SEMA5A: variants seen among roughly 807,000 people sequenced by gnomAD.
SEMA5A encodes the protein semaphorin-5A.
SEMA5A carries 55 observed loss-of-function variants against 135.5 expected under a neutral mutation model. The ratio of observed to expected loss-of-function variants is 0.41; its 90% CI spans 0.33 to 0.51. SEMA5A has a LOEUF of 0.51. Ranked by LOEUF, SEMA5A falls within the 20% of genes least tolerant of loss-of-function variation. SEMA5A has a pLI of 0.37. For synonymous variants in SEMA5A, 580 were observed against 546.5 expected, an observed-to-expected ratio of 1.06 and a Z score of -0.85; for missense variants, 1,290 against 1,419.9, an observed-to-expected ratio of 0.91 and a Z score of 1.47.
intron 18 of SEMA5A, among the ~76,000 whole-genome samples, chr5:9,054,768 G>C (rs1392497286): frequency 6.6e-6 from 1 of 152,204 alleles, no homozygotes; most frequent in South Asian, 2.1e-4. Context: ...CAGTGGGATA[G>C]AGAAAAGCTA....
intron 1 of SEMA5A, among the ~76,000 whole-genome samples, chr5:9,439,216 G>A (rs943331742): frequency 5.9e-5 from 9 of 152,148 alleles, no homozygotes; most frequent in Non-Finnish European, 8.8e-5. Context: ...GAGGAGCCAG[G>A]GAAGCACACT....
At chr5:9,249,006 A>T (rs1156368666) in intron 5 of SEMA5A, among the ~76,000 whole-genome samples, 1 of 152,216 alleles carries the variant, frequency 6.6e-6, no homozygotes, top group Non-Finnish European at 1.5e-5. Flanking sequence ...TACACACATG[A>T]ACACAGTCAC....
At chr5:9,281,563 G>A (rs1262263549) in intron 5 of SEMA5A, among the ~76,000 whole-genome samples, 3 of 152,170 alleles carry the variant, frequency 2.0e-5, no homozygotes, top group Non-Finnish European at 4.4e-5. Flanking sequence ...TATATGAAAA[G>A]CAAATCCCAT....
At chr5:9,352,103 T>TGGGGGA (rs1349768430) in intron 3 of SEMA5A, among the ~76,000 whole-genome samples, 2 of 77,120 alleles carry the variant, frequency 2.6e-5, no homozygotes, top group East Asian at 4.5e-4. Flanking sequence ...TCGGGGGGGT[T>TGGGGGA]ACTTAAGAGT....
intron 16 of SEMA5A, among the ~76,000 whole-genome samples, chr5:9,103,333 C>T (rs989697359): frequency 6.6e-6 from 1 of 152,198 alleles, no homozygotes; most frequent in Non-Finnish European, 1.5e-5. Context: ...TGTGTCACAA[C>T]CTATTTAAAC....
intron 11 of SEMA5A, among the ~76,000 whole-genome samples, chr5:9,164,604 A>C (rs942293590): frequency 2.0e-5 from 3 of 152,116 alleles, no homozygotes; most frequent in Admixed American, 2.0e-4. Context: ...AGGGAATGTC[A>C]TAGGACGTAT....
In SEMA5A at chr5:9,040,058, T is replaced by C. The variant is rs1341819569; in HGVS notation, c.*2839A>G. 1 of 152,194 alleles carries C rather than the reference T, an allele frequency of 6.6e-6. No homozygotes were observed. Among genetic ancestry groups the C allele is most frequent in the Non-Finnish European group, 1.5e-5 (1 of 68,046 alleles). The allele number at this position is 152,194 out of a possible 1,614,324, so 9.4% of individuals were successfully genotyped here. On this transcript the variant is annotated 3_prime_UTR_variant, in exon 23 of 23. Coordinates refer to ENST00000382496, the MANE Select transcript of SEMA5A (RefSeq NM_003966.3). The stretch of plus-strand genomic sequence containing the variant: ...CTGTATTCAGAAATAATTTTAGAAG[T>C]TAAATAGTGATTAATGTCATTTTAC...
intron 5 of SEMA5A, among the ~76,000 whole-genome samples, chr5:9,270,976 T>C (rs1749944209): frequency 6.6e-6 from 1 of 152,096 alleles, no homozygotes; most frequent in Admixed American, 6.5e-5. Flanking sequence ...GTTTGCTTTC[T>C]CCTTTTTAAC....
intron 16 of SEMA5A, among the ~76,000 whole-genome samples, chr5:9,085,872 T>C (rs1738654961): frequency 1.3e-5 from 2 of 152,158 alleles, no homozygotes; most frequent in African/African-American, 4.8e-5. Context: ...GGAGGGAGGC[T>C]GTACCCTGCA....
At chr5:9,049,025 T>C (rs992151280) in intron 21 of SEMA5A, among the ~76,000 whole-genome samples, 12 of 152,166 alleles carry the variant, frequency 7.9e-5, no homozygotes, top group Admixed American at 5.9e-4. Flanking sequence ...CTAAGCTCAA[T>C]GGCCTTCACA....
chr5:9,250,487 A>G (rs1748718261), intron 5 of SEMA5A, among the ~76,000 whole-genome samples: 1 of 152,190 alleles, frequency 6.6e-6, no homozygotes, highest in Non-Finnish European at 1.5e-5. Context: ...ATCTTCCAAA[A>G]TAGCAAAGTA....
chr5:9,084,413 C>T (rs1482678923), intron 16 of SEMA5A, among the ~76,000 whole-genome samples: 4 of 152,152 alleles, frequency 2.6e-5, no homozygotes, highest in African/African-American at 9.7e-5. Context: ...CATCTTGTAG[C>T]TCCCATAATT....
At chr5:9,426,672 A>G (rs921232052) in intron 2 of SEMA5A, among the ~76,000 whole-genome samples, 1 of 152,100 alleles carries the variant, frequency 6.6e-6, no homozygotes, top group African/African-American at 2.4e-5. Context: ...AGCTACTTCA[A>G]ATCAATAAAG....
At chr5:9,410,465 G>A (rs1456844736) in intron 2 of SEMA5A, among the ~76,000 whole-genome samples, 1 of 152,132 alleles carries the variant, frequency 6.6e-6, no homozygotes, top group Non-Finnish European at 1.5e-5. Context: ...CATTTCACGT[G>A]TCTTTAATCT....
intron 2 of SEMA5A, among the ~76,000 whole-genome samples, chr5:9,435,500 G>A (rs878883617): frequency 1.3e-5 from 2 of 152,128 alleles, no homozygotes; most frequent in Non-Finnish European, 2.9e-5. Flanking sequence ...AAGGGGTAAG[G>A]TTTGCAGTTA....
At chr5:9,328,278 A>G (rs902086448) in intron 4 of SEMA5A, among the ~76,000 whole-genome samples, 2 of 152,186 alleles carry the variant, frequency 1.3e-5, no homozygotes, top group African/African-American at 4.8e-5. Flanking sequence ...CTCTCACCTG[A>G]TCCACAACCC....
At chr5:9,536,397 C>A (rs1297666886) in intron 1 of SEMA5A, among the ~76,000 whole-genome samples, 1 of 151,962 alleles carries the variant, frequency 6.6e-6, no homozygotes, top group African/African-American at 2.4e-5. Flanking sequence ...TGGATCACTT[C>A]AGCTCAGGAG....
Position 9,088,637 on chromosome 5 carries a change from A to ATATATATATATATATAT in SEMA5A, c.2073+19502_2073+19503insATATATATATATATATA. Among the ~76,000 whole-genome samples, 210 of 107,548 alleles carry ATATATATATATATATAT rather than the reference A, an allele frequency of 2.0e-3. 1 individual carries two copies. Among genetic ancestry groups the ATATATATATATATATAT allele is most frequent in the African/African-American group, 8.4e-3 (194 of 23,102 alleles). The allele number at this position is 107,548 out of a possible 152,430, so 70.6% of individuals were successfully genotyped here. Reference sequence around the variant, plus strand: ...GCAGCAGCAGGAAGCCTACATTTATAATATATATATATATATATATATACA... The same window carrying ATATATATATATATATAT: ...GCAGCAGCAGGAAGCCTACATTTATATATATATATATATATATATATATATATATATATATATATACA... On this transcript the variant is annotated intron_variant, in intron 16 of 22. Transcript: ENST00000382496.
At chr5:9,216,791 A>C (rs1746654115) in intron 8 of SEMA5A, among the ~76,000 whole-genome samples, 1 of 152,224 alleles carries the variant, frequency 6.6e-6, no homozygotes, top group Non-Finnish European at 1.5e-5. Flanking sequence ...GTCTGAAATT[A>C]AAATGGCAAA....
Sources: allele counts gnomAD v4.1 joint callset (sites outside exome capture counted in the v4.1 genomes callset), GRCh38; gene constraint gnomAD v4.1.1; transcripts MANE v1.5; gene names NCBI Gene and HGNC (gene_info 2026-07-23, HGNC 2026-07-21).